The following LRRFIP1 variants were observed in gnomAD, a reference collection of about 807,000 sequenced individuals.
LRRFIP1 encodes LRR binding FLII interacting protein 1, also known as leucine-rich repeat flightless-interacting protein 1.
In LRRFIP1, 62 loss-of-function variants were observed where a neutral mutation model predicts 104.4. The ratio of observed to expected loss-of-function variants is 0.59; its 90% CI spans 0.48 to 0.73. The LOEUF (loss-of-function observed/expected upper bound fraction) is 0.73, where lower values mean the gene tolerates loss of function less well. Ranked by LOEUF, LRRFIP1 falls within the 30% of genes least tolerant of loss-of-function variation. The pLI is 0.00. For missense variants in LRRFIP1, 796 were observed against 824.5 expected (o/e 0.97, Z 0.42); for synonymous variants, 300 against 299.0 (o/e 1.00, Z -0.03).
intron 18 of LRRFIP1, 49 bp downstream of exon 18, chr2:237,758,870 A>G (rs745942670): frequency 1.0e-5 from 14 of 1,376,368 alleles, no homozygotes; most frequent in Non-Finnish European, 1.4e-5. Flanking sequence ...AAAAAAATCC[A>G]GGTGACAACA....
intron 12 of LRRFIP1, 133 bp downstream of exon 12, chr2:237,748,532 C>A: frequency 1.3e-6 from 1 of 755,260 alleles, no homozygotes; most frequent in Non-Finnish European, 2.2e-6. Context: ...GCCCACCTAA[C>A]CTGGTATCAC....
chr2:237,665,640 C>G (rs79445471), intron 1 of LRRFIP1, among the ~76,000 whole-genome samples: 1 of 152,038 alleles, frequency 6.6e-6, no homozygotes, highest in South Asian at 2.1e-4. Flanking sequence ...ATATGAAAAC[C>G]GGACACTATG....
intron 11 of LRRFIP1, among the ~76,000 whole-genome samples, chr2:237,740,504 C>T (rs144412379): frequency 4.0e-4 from 61 of 152,232 alleles, no homozygotes; most frequent in Middle Eastern, 3.4e-3. Flanking sequence ...CATACTTCAG[C>T]GTGCTGATCC....
chr2:237,720,779 A>G lies in LRRFIP1; in HGVS notation c.302A>G (p.Asp101Gly). Residue 101 changes from aspartate to glycine, a missense_variant, in exon 6 of 24, where the codon GAT (aspartate) becomes GGT (glycine). Coordinates refer to ENST00000308482, the MANE Select transcript of LRRFIP1 (RefSeq NM_001137550.2). ...CGTCCTTTCTTTTAATAGGCTTCTG[A>G]TGAAGACGAGCGCATGTCAGTGGGT... The part of the protein sequence containing the change: ...RRSRRNTSAS[D>G]EDERMSVGSR... 1 of 1,614,028 alleles carries G rather than the reference A, an allele frequency of 6.2e-7. No homozygotes were observed. The highest frequency in any genetic ancestry group is 8.5e-7 in the Non-Finnish European group (1 of 1,179,904).
intron 15 of LRRFIP1, among the ~76,000 whole-genome samples, chr2:237,755,247 C>A (rs139336635): frequency 6.6e-6 from 1 of 152,172 alleles, no homozygotes; most frequent in Non-Finnish European, 1.5e-5. Flanking sequence ...TGAGGAGCAG[C>A]TAGGTTTTGC....
At chr2:237,719,420 G>C (rs2094458984) in intron 4 of LRRFIP1, 103 bp from the exon 5 acceptor site, 1 of 723,088 alleles carries the variant, frequency 1.4e-6, no homozygotes, top group African/African-American at 1.8e-5. Flanking sequence ...ATTTAGATCA[G>C]AACTGCTGTA....
At chr2:237,662,869 G>A (rs542272534) in intron 1 of LRRFIP1, among the ~76,000 whole-genome samples, 2 of 152,038 alleles carry the variant, frequency 1.3e-5, no homozygotes, top group African/African-American at 2.4e-5. Context: ...TCAATTTACC[G>A]TTGCCATGAC....
chr2:237,723,573 G>T lies in LRRFIP1; in HGVS notation c.371G>T (p.Gly124Val), dbSNP rs199678447. Residue 124 changes from glycine to valine, a missense_variant, in exon 7 of 24, where the codon GGT becomes GTT. Coordinates refer to ENST00000308482, the MANE Select transcript of LRRFIP1 (RefSeq NM_001137550.2). The part of the protein sequence containing the change: ...LRSQPDLEYG[G>V]PYAWTNGYDG... ...TCGCAGCCTGACTTGGAGTATGGGG[G>T]TCCTTACGCCTGGGTGAGATGGTCG... 3.7e-6 allele frequency: 6 copies of T among 1,613,964 alleles called. No individual in the cohort carries two copies. In the African/African-American group the frequency reaches 6.7e-5, roughly 18 times the overall value.
chr2:237,746,646 G>A (rs1284502690), intron 11 of LRRFIP1, among the ~76,000 whole-genome samples: 2 of 152,190 alleles, frequency 1.3e-5, no homozygotes, highest in Non-Finnish European at 2.9e-5. Flanking sequence ...TGTGCATTTC[G>A]ACACATCAGC....
chr2:237,673,632 G>T (rs565564941), intron 1 of LRRFIP1, among the ~76,000 whole-genome samples: 1 of 152,358 alleles, frequency 6.6e-6, no homozygotes, highest in Admixed American at 6.5e-5. Context: ...TATCTGGCAC[G>T]GCGGAGGCCC....
At position 237,692,644 on chromosome 2, in the gene LRRFIP1, G is replaced by T. The variant is rs1254060497; in HGVS notation, c.97-15900G>T. 7 of 1,268,824 alleles carry T rather than the reference G, an allele frequency of 5.5e-6. No individual in the cohort carries two copies. In the East Asian group the frequency reaches 2.2e-4, roughly 40 times the overall value. The allele number at this position is 1,268,824 out of a possible 1,614,324, so 78.6% of individuals were successfully genotyped here. A position where few individuals can be genotyped will look rare whatever the true frequency, so the allele number is the denominator to read the frequency against. On this transcript the variant is annotated intron_variant, in intron 1 of 23. Coordinates refer to ENST00000308482, the MANE Select transcript of LRRFIP1 (RefSeq NM_001137550.2). ...GGGAGGCGTGGGGTGGGCTCTGGCG[G>T]GACCCCAGCGCGGTGGGAGCGGGCG...
intron 1 of LRRFIP1, among the ~76,000 whole-genome samples, chr2:237,694,376 TGG>T (rs1159971152): frequency 6.6e-6 from 1 of 151,510 alleles, no homozygotes; most frequent in Non-Finnish European, 1.5e-5. Context: ...GAGTGAGACA[TGG>T]TGAACAAAAG....
At chr2:237,651,580 C>T (rs960847680) in intron 1 of LRRFIP1, among the ~76,000 whole-genome samples, 7 of 152,208 alleles carry the variant, frequency 4.6e-5, no homozygotes, top group African/African-American at 1.4e-4. Flanking sequence ...GAGCACCCTA[C>T]AGTCTGGCTG....
chr2:237,699,198 A>C (rs550020079), intron 1 of LRRFIP1, among the ~76,000 whole-genome samples: 1 of 152,218 alleles, frequency 6.6e-6, no homozygotes, highest in Admixed American at 6.5e-5. Flanking sequence ...AACAAAGCCA[A>C]GTATCATCAT....
chr2:237,734,886 A>T (rs1318589404), intron 9 of LRRFIP1, among the ~76,000 whole-genome samples: 2 of 152,238 alleles, frequency 1.3e-5, no homozygotes, highest in Non-Finnish European at 2.9e-5. Flanking sequence ...AAGTCACTTC[A>T]CATAAGAGTA....
chr2:237,721,099 T>G, intron 6 of LRRFIP1: 1 of 388,356 alleles, frequency 2.6e-6, no homozygotes, highest in Non-Finnish European at 4.9e-6. Context: ...CTCCCAAGCC[T>G]TGATTAGCAC....
rs890165045 is a variant in LRRFIP1 at position 237,748,380 on chromosome 2, A to G, written c.650A>G (p.Glu217Gly). 2 of 1,606,100 alleles carry G rather than the reference A, an allele frequency of 1.2e-6. No individual in the cohort carries two copies. The highest frequency in any genetic ancestry group is 1.3e-5 in the African/African-American group (1 of 74,330). Residue 217 changes from glutamate (E) to glycine (G), a missense_variant, in exon 12 of 24, where the codon GAA (glutamate) becomes GGA (glycine). Transcript: ENST00000308482. ...CGTCTACAGGTAGAAGAGAGACCAG[A>G]AAAAGATTTTACTGAGAAGGTAAGG... is the stretch of plus-strand genomic sequence containing the variant. Reference protein sequence around the residue: ...RASPVVEERPEKDFTEKGSRN... With the variant: ...RASPVVEERPGKDFTEKGSRN...
intron 22 of LRRFIP1, among the ~76,000 whole-genome samples, chr2:237,773,552 A>C (rs539229727): frequency 6.6e-6 from 1 of 152,132 alleles, no homozygotes; most frequent in Non-Finnish European, 1.5e-5. Context: ...AAAATAAAAT[A>C]AATAAATAAA....
intron 1 of LRRFIP1, among the ~76,000 whole-genome samples, chr2:237,671,786 G>A (rs2090377545): frequency 6.6e-6 from 1 of 151,352 alleles, no homozygotes; most frequent in South Asian, 2.1e-4. Context: ...GCATGCCTGT[G>A]TGTGTGCAGG....
Sources: allele counts gnomAD v4.1 joint callset (sites outside exome capture counted in the v4.1 genomes callset), GRCh38; gene constraint gnomAD v4.1.1; transcripts MANE v1.5; gene names NCBI Gene and HGNC (gene_info 2026-07-23, HGNC 2026-07-21).